Variants in ZNF212 observed in about 807,000 individuals in gnomAD.
ZNF212 encodes the protein zinc finger protein 212.
In ZNF212, 32 loss-of-function variants were observed where a neutral mutation model predicts 47.3. The ratio of observed to expected loss-of-function variants is 0.68; its 90% confidence interval spans 0.51 to 0.91. ZNF212 has a LOEUF of 0.91. ZNF212 is among the 40% of genes least tolerant of loss of function. The probability of loss-of-function intolerance (pLI) is 0.00; values close to 1 mark genes in which losing one functional copy is unlikely to be tolerated. For synonymous variants in ZNF212, 242 were observed against 253.8 expected (o/e 0.95, Z 0.44); for missense variants, 555 against 622.8 (o/e 0.89, Z 1.16).
At chr7:149,239,886 C>G (rs1304678688) in intron 1 of ZNF212, 84 bp downstream of exon 1, 1 of 1,251,978 alleles carries the variant, frequency 8.0e-7, no homozygotes, top group South Asian at 3.2e-5. Context: ...GCGGTTTGGA[C>G]GCCGCCGGGG....
intron 4 of ZNF212, 27 bp downstream of exon 4, chr7:149,252,822 C>A: frequency 1.2e-6 from 2 of 1,608,424 alleles, no homozygotes. Flanking sequence ...TATTCTGTTC[C>A]CCTTCCATAG....
intron 3 of ZNF212, 39 bp downstream of exon 3, chr7:149,250,846 A>G (rs1293067552): frequency 3.1e-6 from 5 of 1,610,990 alleles, no homozygotes; most frequent in African/African-American, 2.7e-5. Context: ...TGTCTCAGAC[A>G]TACTACAATT....
Position 149,239,755 on chromosome 7 carries a change from G to T in ZNF212, c.-24G>T, listed in dbSNP as rs1394752042. 1 of 1,276,702 alleles carries T rather than the reference G, an allele frequency of 7.8e-7. No homozygotes were observed. Among genetic ancestry groups the T allele is most frequent in the Non-Finnish European group, 1.0e-6 (1 of 1,004,308 alleles). 79.1% of individuals were successfully genotyped at this position (1,276,702 alleles called of 1,614,324 possible). A position where few individuals can be genotyped will look rare whatever the true frequency, so the allele number is the denominator to read the frequency against. ...GCACGGGGGCTCCGAGGCGGGGTCT[G>T]GGTGTTGAGGGGCGACTGGAGCCAT... On this transcript the variant is annotated 5_prime_UTR_variant, in exon 1 of 5. Transcript: ENST00000335870.
chr7:149,252,965 C>T (rs1472935686), intron 4 of ZNF212, among the ~76,000 whole-genome samples, 170 bp downstream of exon 4: 1 of 152,162 alleles, frequency 6.6e-6, no homozygotes, highest in East Asian at 1.9e-4. Context: ...TGCCTCAACT[C>T]CTACCACCCT....
chr7:149,240,030 C>T, intron 1 of ZNF212: 3 of 448,128 alleles, frequency 6.7e-6, no homozygotes, highest in Non-Finnish European at 1.1e-5. Flanking sequence ...CGCCCTTGCC[C>T]AGAAACTTCT....
intron 1 of ZNF212, among the ~76,000 whole-genome samples, chr7:149,240,387 C>CG (rs890805614): frequency 1.7e-4 from 25 of 149,878 alleles, no homozygotes; most frequent in South Asian, 1.5e-3. Flanking sequence ...CCTTCACCCC[C>CG]CCCCCAACAC....
intron 1 of ZNF212, among the ~76,000 whole-genome samples, chr7:149,243,829 A>C (rs1796635413): frequency 6.6e-6 from 1 of 152,242 alleles, no homozygotes; most frequent in Non-Finnish European, 1.5e-5. Context: ...GATGATAGAA[A>C]TGTTCTGCTC....
rs1796798775 is a variant in ZNF212 at position 149,254,043 on chromosome 7, T to C, written c.1116T>C (p.Asp372=). 1.9e-6 allele frequency: 3 copies of C among 1,613,024 alleles called. No individual in the cohort carries two copies. Among genetic ancestry groups the C allele is most frequent in the Non-Finnish European group, 1.7e-6 (2 of 1,179,480 alleles). Residue 372 remains aspartate, a synonymous_variant, in exon 5 of 5, where the codon GAT becomes GAC. Transcript: ENST00000335870. This position sits in a 1 kb window ranked among gnomAD's most constrained non-coding sequence, Gnocchi z 4.5. ...AAAAGGCCAAGCTGCATCAGTGTGA[T>C]GTGTGCCTGAGGAGCTTCAGCTGCA... The part of the protein sequence containing the change: ...QTKKAKLHQC[D]VCLRSFSCKV...
intron 1 of ZNF212, among the ~76,000 whole-genome samples, chr7:149,247,067 C>T (rs889839349): frequency 2.2e-4 from 33 of 151,826 alleles, no homozygotes; most frequent in African/African-American, 8.0e-4. Flanking sequence ...CCGCCTCGGC[C>T]TCCCAAAGTG....
At position 149,255,348 on chromosome 7, in the gene ZNF212, GTTAT is replaced by G. The variant is rs1380392997; in HGVS notation, c.*936_*939del. 6.5e-6 allele frequency: 1 copy of G among 153,720 alleles called. No homozygotes were observed. The allele number at this position is 153,720 out of a possible 1,614,324, so 9.5% of individuals were successfully genotyped here. On this transcript the variant is annotated 3_prime_UTR_variant, in exon 5 of 5. Coordinates refer to ENST00000335870, the MANE Select transcript of ZNF212 (RefSeq NM_012256.4). ...TAAGGTTGTTCACCTTGTACCAGTG[GTTAT>G]TTGAGTTTGTTCCTATTACACCAAT...
In ZNF212 at chr7:149,240,387, C is replaced by A. The variant is rs532435151; in HGVS notation, c.24+585C>A. Among the ~76,000 whole-genome samples the A allele has an allele frequency of 2.7e-5, 4 of 149,878 alleles. No individual in the cohort carries two copies. The East Asian group carries it at 5.9e-4, about 22-fold the overall frequency. ...CTGCCCAAACTCTCTCCTTCACCCC[C>A]CCCCCAACACCCCCCTCCCAGCCCA... On this transcript the variant is annotated intron_variant, in intron 1 of 4. Coordinates refer to ENST00000335870, the MANE Select transcript of ZNF212 (RefSeq NM_012256.4).
chr7:149,239,671 A>ACGACGG lies in ZNF212; in HGVS notation c.-106_-105insACGGCG. Reference sequence around the variant, plus strand: ...CTCCCAGAATGCACCTGGCATCAACACGGCGGCGGCGGCGGCGGCTTCCAA... The same window carrying ACGACGG: ...CTCCCAGAATGCACCTGGCATCAACACGACGGCGGCGGCGGCGGCGGCGGCTTCCAA... On this transcript the variant is annotated 5_prime_UTR_variant, in exon 1 of 5. Transcript: ENST00000335870. 5 of 1,085,362 alleles carry ACGACGG rather than the reference A, an allele frequency of 4.6e-6. No homozygotes were observed. The highest frequency in any genetic ancestry group is 3.6e-6 in the Non-Finnish European group (3 of 840,644). 67.2% of individuals were successfully genotyped at this position (1,085,362 alleles called of 1,614,324 possible).
chr7:149,254,337 C>G lies in ZNF212; in HGVS notation c.1410C>G (p.Leu470=), dbSNP rs1796804579. 6.2e-7 allele frequency: 1 copy of G among 1,612,586 alleles called. No homozygotes were observed. The highest frequency in any genetic ancestry group is 1.3e-5 in the African/African-American group (1 of 74,958). ...AGAGCTTTGTCCAGAAGCAGCACCTCCTGCAGCACCAGAAGATCCACCAGC... is the reference window on the plus strand; with the variant it reads ...AGAGCTTTGTCCAGAAGCAGCACCTGCTGCAGCACCAGAAGATCCACCAGC... The part of the protein sequence containing the change: ...CEKSFVQKQH[L]LQHQKIHQRE... Residue 470 remains leucine (L), a synonymous_variant, in exon 5 of 5, where the codon CTC becomes CTG. Coordinates refer to ENST00000335870, the MANE Select transcript of ZNF212 (RefSeq NM_012256.4). This position sits in a 1 kb window ranked among gnomAD's most constrained non-coding sequence, Gnocchi z 4.5.
At position 149,243,291 on chromosome 7, in the gene ZNF212, G is replaced by A. The variant is rs144518004; in HGVS notation, c.24+3489G>A. Among the ~76,000 whole-genome samples the A allele has an allele frequency of 2.9e-3, 436 of 152,156 alleles. 1 individual carries two copies. Among genetic ancestry groups the A allele is most frequent in the African/African-American group, 0.01 (420 of 41,506 alleles). On this transcript the variant is annotated intron_variant, in intron 1 of 4. Coordinates refer to ENST00000335870, the MANE Select transcript of ZNF212 (RefSeq NM_012256.4). ...GCCTGTAGTCCCAGCTTCTTGGGAGGCTGAGGCAGGAGACTGGCGTGAACC... is the reference window on the plus strand; with the variant it reads ...GCCTGTAGTCCCAGCTTCTTGGGAGACTGAGGCAGGAGACTGGCGTGAACC...
intron 4 of ZNF212, 23 bp from the exon 5 acceptor site, chr7:149,253,536 G>T (rs1429574897): frequency 5.3e-5 from 83 of 1,572,116 alleles, no homozygotes; most frequent in Admixed American, 5.0e-4. Context: ...GATCTTTTTT[G>T]TTGGTCTTCT....
Position 149,239,662 on chromosome 7 carries a change from G to A in ZNF212, c.-117G>A, listed in dbSNP as rs1425776591. 2.8e-6 allele frequency: 2 copies of A among 707,070 alleles called. No individual in the cohort carries two copies. Among genetic ancestry groups the A allele is most frequent in the Non-Finnish European group, 3.8e-6 (2 of 529,694 alleles). The allele number at this position is 707,070 out of a possible 1,614,324, so 43.8% of individuals were successfully genotyped here. On this transcript the variant is annotated 5_prime_UTR_variant, in exon 1 of 5. Coordinates refer to ENST00000335870, the MANE Select transcript of ZNF212 (RefSeq NM_012256.4). ...AGGTCGCTGCTCCCAGAATGCACCT[G>A]GCATCAACACGGCGGCGGCGGCGGC...
intron 1 of ZNF212, among the ~76,000 whole-genome samples, chr7:149,243,526 A>G (rs553047481): frequency 6.6e-6 from 1 of 152,142 alleles, no homozygotes; most frequent in East Asian, 1.9e-4. Context: ...AAGGTCATGA[A>G]AAAATATGCC....
At chr7:149,242,496 A>G (rs1796608487) in intron 1 of ZNF212, among the ~76,000 whole-genome samples, 1 of 152,196 alleles carries the variant, frequency 6.6e-6, no homozygotes, top group African/African-American at 2.4e-5. Context: ...ATAGTTTTAT[A>G]TGCAGCAAAA....
intron 1 of ZNF212, among the ~76,000 whole-genome samples, chr7:149,248,159 C>T (rs1373908230): frequency 6.6e-6 from 1 of 152,200 alleles, no homozygotes; most frequent in Non-Finnish European, 1.5e-5. Flanking sequence ...TCCCACGAGA[C>T]TTCACCTCCC....
Sources: gnomAD v4.1 joint callset for allele counts (sites outside exome capture counted in the v4.1 genomes callset) on GRCh38, gnomAD v4.1.1 for gene constraint, Gnocchi (gnomAD v3.1) non-coding constraint, MANE v1.5 for transcripts, NCBI Gene and HGNC (gene_info 2026-07-23, HGNC 2026-07-21) for gene names.